Variants in PABPC4L observed in about 807,000 individuals in gnomAD.
PABPC4L encodes polyadenylate-binding protein 4-like.
For missense variants in PABPC4L, 452 were observed against 451.4 expected (o/e 1.00, Z -0.01); for synonymous variants, 169 against 164.1 (o/e 1.03, Z -0.23).
the PABPC4L span, among the ~76,000 whole-genome samples, chr4:133,966,107 C>T: frequency 9.9e-5 from 15 of 151,794 alleles, 1 homozygote; most frequent in Non-Finnish European, 1.5e-5. Context: ...ACAAGGAACT[C>T]GAATCAACAA....
the PABPC4L span, among the ~76,000 whole-genome samples, chr4:134,134,299 C>G: frequency 6.6e-6 from 1 of 151,890 alleles, no homozygotes; most frequent in Non-Finnish European, 1.5e-5. Flanking sequence ...GTCTGATTTC[C>G]AAACAGTAAA....
At chr4:134,175,311 T>C in the PABPC4L span, among the ~76,000 whole-genome samples, 1 of 152,142 alleles carries the variant, frequency 6.6e-6, no homozygotes, top group Admixed American at 6.5e-5. Context: ...GTGAATTACA[T>C]GTGTGCTATG....
At chr4:134,131,109 G>T in the PABPC4L span, among the ~76,000 whole-genome samples, 2 of 151,992 alleles carry the variant, frequency 1.3e-5, no homozygotes, top group East Asian at 1.9e-4. Context: ...AAAGTTGAAA[G>T]CATCCCCCCT....
chr4:134,079,578 C>CAAAAAAAAAAAAAAAAAAAAAAAAAAAAA, the PABPC4L span, among the ~76,000 whole-genome samples: 1 of 90,688 alleles, frequency 1.1e-5, no homozygotes, highest in African/African-American at 4.1e-5. Flanking sequence ...GACTTCCTCT[C>CAAAAAAAAAAAAAAAAAAAAAAAAAAAAA]AAAAAAAAAA....
chr4:134,079,659 G>C, the PABPC4L span, among the ~76,000 whole-genome samples: 2 of 149,620 alleles, frequency 1.3e-5, no homozygotes, highest in African/African-American at 2.5e-5. Flanking sequence ...ATGTGTGTCT[G>C]TGTGTGTATG....
At chr4:134,117,359 C>T in the PABPC4L span, among the ~76,000 whole-genome samples, 2 of 151,738 alleles carry the variant, frequency 1.3e-5, no homozygotes, top group South Asian at 4.1e-4. Flanking sequence ...GTCAAAACTG[C>T]ACAGTTACGC....
At chr4:134,071,261 C>G in the PABPC4L span, among the ~76,000 whole-genome samples, 5 of 152,178 alleles carry the variant, frequency 3.3e-5, no homozygotes, top group Non-Finnish European at 5.9e-5. Context: ...TTCTGCCCAT[C>G]ATCTGTGTCC....
the PABPC4L span, among the ~76,000 whole-genome samples, chr4:134,177,434 A>G: frequency 6.6e-6 from 1 of 152,026 alleles, no homozygotes; most frequent in Non-Finnish European, 1.5e-5. Flanking sequence ...TCGGCCTCCA[A>G]AAGTGCTGGG....
the PABPC4L span, among the ~76,000 whole-genome samples, chr4:134,187,048 T>C: frequency 6.6e-6 from 1 of 152,032 alleles, no homozygotes; most frequent in African/African-American, 2.4e-5. Context: ...AAACAACAGG[T>C]GCTGGAGAGG....
At chr4:134,127,260 G>C in the PABPC4L span, among the ~76,000 whole-genome samples, 1 of 151,942 alleles carries the variant, frequency 6.6e-6, no homozygotes, top group East Asian at 1.9e-4. Context: ...CCCCCCACCT[G>C]ACCCTAGGGC....
chr4:134,109,051 C>T, the PABPC4L span, among the ~76,000 whole-genome samples: 1 of 151,918 alleles, frequency 6.6e-6, no homozygotes, highest in African/African-American at 2.4e-5. Context: ...AATCAAAAAA[C>T]TTTATGTAAC....
At chr4:133,955,521 GA>G in the PABPC4L span, among the ~76,000 whole-genome samples, 5 of 151,958 alleles carry the variant, frequency 3.3e-5, no homozygotes, top group Non-Finnish European at 5.9e-5. Context: ...TTGAATATAT[GA>G]ATACATTTTA....
chr4:134,019,852 G>T, the PABPC4L span, among the ~76,000 whole-genome samples: 4 of 152,040 alleles, frequency 2.6e-5, no homozygotes, highest in Non-Finnish European at 5.9e-5. Context: ...GAGACACTGG[G>T]GTTGGCAGTT....
chr4:134,034,281 C>G, the PABPC4L span, among the ~76,000 whole-genome samples: 1 of 151,866 alleles, frequency 6.6e-6, no homozygotes, highest in Non-Finnish European at 1.5e-5. Flanking sequence ...AAATATTACC[C>G]TTTCGATTAT....
At chr4:134,047,579 T>A in the PABPC4L span, among the ~76,000 whole-genome samples, 1 of 152,100 alleles carries the variant, frequency 6.6e-6, no homozygotes, top group Admixed American at 6.6e-5. Context: ...AATTAAGAAG[T>A]TTATGCTCTC....
chr4:134,124,353 A>G, the PABPC4L span, among the ~76,000 whole-genome samples: 2 of 151,968 alleles, frequency 1.3e-5, no homozygotes, highest in South Asian at 2.1e-4. Context: ...CTACTCTAAA[A>G]CTAGTTTTAC....
the PABPC4L span, among the ~76,000 whole-genome samples, chr4:134,107,801 G>C: frequency 6.6e-6 from 1 of 151,520 alleles, no homozygotes; most frequent in Admixed American, 6.6e-5. Context: ...CAATTAGTAA[G>C]ATTTGTTACT....
At chr4:134,114,965 C>T in the PABPC4L span, among the ~76,000 whole-genome samples, 1 of 151,870 alleles carries the variant, frequency 6.6e-6, no homozygotes, top group Non-Finnish European at 1.5e-5. Context: ...AGAAATTGAA[C>T]ATTCTTTTTG....
chr4:134,172,365 C>T, the PABPC4L span, among the ~76,000 whole-genome samples: 1 of 151,924 alleles, frequency 6.6e-6, no homozygotes, highest in Non-Finnish European at 1.5e-5. Flanking sequence ...TAAATCCAAA[C>T]CCCTACAAAC....
Sources: gnomAD v4.1 joint callset for allele counts (sites outside exome capture counted in the v4.1 genomes callset) on GRCh38, gnomAD v4.1.1 for gene constraint, MANE v1.5 for transcripts, NCBI Gene and HGNC (gene_info 2026-07-23, HGNC 2026-07-21) for gene names.